Variants in FUBP3 observed in about 807,000 individuals in gnomAD.
FUBP3 encodes the protein far upstream element binding protein 3.
A neutral mutation model predicts 85.6 loss-of-function variants in FUBP3; 28 were observed. The observed-to-expected ratio is 0.33, with a 90% CI of 0.24 to 0.45. The LOEUF (loss-of-function observed/expected upper bound fraction) is 0.45, where lower values mean the gene tolerates loss of function less well. Ranked by LOEUF, FUBP3 falls within the 20% of genes least tolerant of loss-of-function variation. The pLI, the probability that FUBP3 is intolerant of heterozygous loss-of-function variation, is 1.00. For synonymous variants in FUBP3, 271 were observed against 271.4 expected (o/e 1.00, Z 0.01); for missense variants, 583 against 755.1 (o/e 0.77, Z 2.67).
At chr9:130,600,854 C>G (rs1234437576) in intron 2 of FUBP3, among the ~76,000 whole-genome samples, 1 of 151,368 alleles carries the variant, frequency 6.6e-6, no homozygotes, top group South Asian at 2.1e-4. Flanking sequence ...TGCATGCCTG[C>G]AGCCCCAGCT....
chr9:130,617,506 G>A (rs888427063), intron 7 of FUBP3, among the ~76,000 whole-genome samples: 1 of 152,242 alleles, frequency 6.6e-6, no homozygotes, highest in Non-Finnish European at 1.5e-5. Flanking sequence ...GTCAAATGGA[G>A]TGTGTGCCAA....
Position 130,612,975 on chromosome 9 carries a change from G to A in FUBP3, c.294G>A (p.Glu98=). 1 of 1,612,860 alleles carries A rather than the reference G, an allele frequency of 6.2e-7. No individual in the cohort carries two copies. The highest frequency in any genetic ancestry group is 1.1e-5 in the South Asian group (1 of 91,046). The change falls in exon 5 of 19, where the codon GAG becomes GAA. Residue 98 remains glutamate (E), a synonymous_variant. Transcript: ENST00000319725. The surrounding 1 kb of genome is among the most constrained non-coding windows in gnomAD (Gnocchi z 4.1). ...TTTCAGTTATCGGCAGGGGAGGTGAGCAGATTTCACGGATTCAAGCAGAAT... is the reference window on the plus strand; with the variant it reads ...TTTCAGTTATCGGCAGGGGAGGTGAACAGATTTCACGGATTCAAGCAGAAT... ...MVGFIIGRGG[E]QISRIQAESG...
At position 130,634,755 on chromosome 9, in the gene FUBP3, C is replaced by T. The variant is rs1169398062; in HGVS notation, c.1582+17C>T. 1 of 1,602,526 alleles carries T rather than the reference C, an allele frequency of 6.2e-7. No homozygotes were observed. Among genetic ancestry groups the T allele is most frequent in the South Asian group, 1.1e-5 (1 of 90,176 alleles). ...AAAAACAGAGTGAGTGCCCGGCCCT[C>T]CTAACCTGTGGCAGCACAGTCCCCT... On this transcript the variant is annotated intron_variant, in intron 17 of 18. Transcript: ENST00000319725.
At chr9:130,602,539 C>T (rs1330401187) in intron 2 of FUBP3, among the ~76,000 whole-genome samples, 8 of 152,110 alleles carry the variant, frequency 5.3e-5, no homozygotes, top group Non-Finnish European at 1.2e-4. Context: ...CTGTGACCTG[C>T]ACCCCAGGCA....
intron 2 of FUBP3, among the ~76,000 whole-genome samples, chr9:130,608,872 G>A (rs1023524866): frequency 6.6e-6 from 1 of 152,160 alleles, no homozygotes; most frequent in Non-Finnish European, 1.5e-5. Flanking sequence ...GAGAATGACA[G>A]CAGTGAGTTT....
At chr9:130,621,034 G>A (rs933841965) in intron 9 of FUBP3, among the ~76,000 whole-genome samples, 8 of 152,166 alleles carry the variant, frequency 5.3e-5, no homozygotes, top group Admixed American at 5.2e-4. Context: ...TGTTGGGGAT[G>A]ATGAAATGTT....
At chr9:130,585,317 A>G (rs926547229) in intron 1 of FUBP3, among the ~76,000 whole-genome samples, 4 of 152,050 alleles carry the variant, frequency 2.6e-5, no homozygotes, top group African/African-American at 9.7e-5. Context: ...CCATCTTGCT[A>G]TTGTTTTATA....
chr9:130,600,503 T>C (rs1831102760), intron 2 of FUBP3, among the ~76,000 whole-genome samples: 1 of 152,138 alleles, frequency 6.6e-6, no homozygotes, highest in Non-Finnish European at 1.5e-5. Flanking sequence ...CAAGCTTTTC[T>C]TTCTTTTTTT....
chr9:130,611,805 TAA>T (rs56793322), intron 3 of FUBP3, among the ~76,000 whole-genome samples: 1 of 144,834 alleles, frequency 6.9e-6, no homozygotes. Flanking sequence ...AGTAGTAGTT[TAA>T]AAAAAAAAAA....
chr9:130,624,851 C>T lies in FUBP3; in HGVS notation c.975+1140C>T, dbSNP rs116911608. ...TCTTGTACCCAGCATTTTGGGAGGCCGAGGCAAGCGGATCACCTGAGGTCA... is the reference window on the plus strand; with the variant it reads ...TCTTGTACCCAGCATTTTGGGAGGCTGAGGCAAGCGGATCACCTGAGGTCA... On this transcript the variant is annotated intron_variant, in intron 11 of 18. Transcript: ENST00000319725. Among the ~76,000 whole-genome samples the T allele has an allele frequency of 1.5e-4, 23 of 152,152 alleles. No individual in the cohort carries two copies. In the East Asian group the frequency reaches 3.7e-3, roughly 24 times the overall value.
chr9:130,625,320 G>C (rs150683671), intron 11 of FUBP3, among the ~76,000 whole-genome samples: 1 of 152,354 alleles, frequency 6.6e-6, no homozygotes, highest in Non-Finnish European at 1.5e-5. Context: ...TCCTGTGCGT[G>C]TGTGAACATC....
intron 8 of FUBP3, among the ~76,000 whole-genome samples, chr9:130,619,001 C>T (rs1021497574): frequency 6.6e-6 from 1 of 152,278 alleles, no homozygotes; most frequent in African/African-American, 2.4e-5. Context: ...TCTCTCAGTG[C>T]GAACAGTTGG....
intron 1 of FUBP3, among the ~76,000 whole-genome samples, chr9:130,595,053 C>T (rs1353474514): frequency 1.3e-5 from 2 of 151,732 alleles, no homozygotes; most frequent in East Asian, 3.9e-4. Context: ...ATGGAGAAAC[C>T]CTGTCTCTAC....
At position 130,579,664 on chromosome 9, in the gene FUBP3, C is replaced by T; in HGVS notation, c.-17C>T. On this transcript the variant is annotated 5_prime_UTR_variant, in exon 1 of 19. The change creates a new upstream start codon in the 5' untranslated region. Coordinates refer to ENST00000319725, the MANE Select transcript of FUBP3 (RefSeq NM_003934.2). ...TCGGCGGCGTCGGCGGCGGCGGCGACGGCGGCGGGGGCGGTAATGGCGGAG... is the reference window on the plus strand; with the variant it reads ...TCGGCGGCGTCGGCGGCGGCGGCGATGGCGGCGGGGGCGGTAATGGCGGAG... 1 of 1,236,192 alleles carries T rather than the reference C, an allele frequency of 8.1e-7. No individual in the cohort carries two copies. The allele number at this position is 1,236,192 out of a possible 1,614,324, so 76.6% of individuals were successfully genotyped here.
chr9:130,588,774 A>C (rs528705848), intron 1 of FUBP3, among the ~76,000 whole-genome samples: 2 of 152,218 alleles, frequency 1.3e-5, no homozygotes, highest in Non-Finnish European at 2.9e-5. Context: ...AGTGGGATGC[A>C]GGACTGGGAC....
chr9:130,579,979 G>T (rs1830063277), intron 1 of FUBP3, among the ~76,000 whole-genome samples: 1 of 152,224 alleles, frequency 6.6e-6, no homozygotes, highest in Admixed American at 6.5e-5. Flanking sequence ...TCTCCCAGGT[G>T]CCTGAAGTCG....
intron 1 of FUBP3, among the ~76,000 whole-genome samples, chr9:130,589,703 A>ATTTTTTTTT (rs1441029705): frequency 7.0e-5 from 2 of 28,590 alleles, no homozygotes; most frequent in African/African-American, 4.0e-4. Flanking sequence ...ATATATATAT[A>ATTTTTTTTT]TATTTTTTTT....
chr9:130,631,752 T>A (rs1830219667), intron 14 of FUBP3, 122 bp downstream of exon 14: 1 of 864,328 alleles, frequency 1.2e-6, no homozygotes, highest in Admixed American at 2.1e-5. Context: ...TGGGCAGGAC[T>A]CGTTTCTTTT....
At chr9:130,591,511 C>T (rs761304055) in intron 1 of FUBP3, among the ~76,000 whole-genome samples, 1 of 152,112 alleles carries the variant, frequency 6.6e-6, no homozygotes, top group Non-Finnish European at 1.5e-5. Context: ...TTTTTTGGAA[C>T]AAGGTAGTAT....
Sources: allele counts gnomAD v4.1 joint callset (sites outside exome capture counted in the v4.1 genomes callset), GRCh38; gene constraint gnomAD v4.1.1; non-coding constraint Gnocchi (gnomAD v3.1); transcripts MANE v1.5; gene names NCBI Gene and HGNC (gene_info 2026-07-23, HGNC 2026-07-21).